The following UBXN11 variants were observed in gnomAD, a reference collection of about 807,000 sequenced individuals.
UBXN11 encodes the protein UBX domain protein 11.
UBXN11 carries 47 observed loss-of-function variants against 62.8 expected under a neutral mutation model. That is an observed-to-expected ratio of 0.75 (90% CI 0.59 to 0.95). The LOEUF is 0.95. Ranked by LOEUF, UBXN11 falls within the 40% of genes least tolerant of loss-of-function variation. The pLI, the probability that UBXN11 is intolerant of heterozygous loss-of-function variation, is 0.00. For missense variants in UBXN11, 638 were observed against 661.7 expected, an observed-to-expected ratio of 0.96 and a Z score of 0.39; for synonymous variants, 294 against 267.0, an observed-to-expected ratio of 1.10 and a Z score of -0.99.
chr1:26,296,985 G>A lies in UBXN11; in HGVS notation c.366C>T (p.Thr122=), dbSNP rs770801405. The A allele has an allele frequency of 1.2e-6, 2 of 1,602,724 alleles. No homozygotes were observed. Among genetic ancestry groups the A allele is most frequent in the South Asian group, 1.1e-5 (1 of 89,016 alleles). ...TCTCCAGTTCCTCCTGCCGCTGCAG[G>A]GTTGCCTCGGCTTCAGGGAAAGACA... The part of the protein sequence containing the change: ...QTLRPHPAEA[T]LQRQEELETM... Residue 122 remains threonine, a synonymous_variant, in exon 7 of 15, where the codon ACC becomes ACT. Transcript: ENST00000374222.
rs189494900 is a variant in UBXN11 at position 26,313,041 on chromosome 1, G to A, written c.-149+5006C>T. ...CAAAAGACTGAATGGATAGGTGGGT[G>A]CGTGGATAGGTGAATGAATGGGTGG... is the stretch of plus-strand genomic sequence containing the variant. On this transcript the variant is annotated intron_variant, in intron 1 of 14. Transcript: ENST00000374217. Among the ~76,000 whole-genome samples, 425 of 151,440 alleles carry A rather than the reference G, an allele frequency of 2.8e-3. 1 individual carries two copies. The highest frequency in any genetic ancestry group is 4.3e-3 in the Non-Finnish European group (289 of 67,888).
At chr1:26,305,303 A>G (rs1035031224) in intron 1 of UBXN11, among the ~76,000 whole-genome samples, 1 of 152,162 alleles carries the variant, frequency 6.6e-6, no homozygotes, top group Non-Finnish European at 1.5e-5. Context: ...AAGTTACACA[A>G]ATGGAATTAT....
At chr1:26,286,444 C>G (rs12068212) in intron 8 of UBXN11, among the ~76,000 whole-genome samples, 2 of 152,068 alleles carry the variant, frequency 1.3e-5, no homozygotes, top group Admixed American at 6.5e-5. Context: ...AGCTCTGGAT[C>G]GAGGCCTTCT....
Position 26,282,688 on chromosome 1 carries a change from T to G in UBXN11, c.1253A>C (p.Asn418Thr), listed in dbSNP as rs779693144. The change falls in exon 14 of 15, where the codon AAC (asparagine) becomes ACC (threonine). Residue 418 changes from asparagine (N) to threonine (T), a missense_variant. Transcript: ENST00000374222. ...CAGAGCTCGCACGTCCCCAATGGTGTTGTCAGGCTGCATCATCAGTAGGAA... is the reference window on the plus strand; with the variant it reads ...CAGAGCTCGCACGTCCCCAATGGTGGTGTCAGGCTGCATCATCAGTAGGAA... ...QAFLLMMQPD[N>T]TIGDVRALLA... 8.7e-6 allele frequency: 14 copies of G among 1,614,022 alleles called. No individual in the cohort carries two copies. Among genetic ancestry groups the G allele is most frequent in the South Asian group, 3.3e-5 (3 of 91,088 alleles).
chr1:26,283,360 G>A (rs796635359), intron 12 of UBXN11, among the ~76,000 whole-genome samples: 3 of 152,340 alleles, frequency 2.0e-5, no homozygotes, highest in African/African-American at 7.2e-5. Flanking sequence ...TCCTAGAGGT[G>A]GCGACACATT....
chr1:26,291,732 C>T (rs977812627), intron 8 of UBXN11, among the ~76,000 whole-genome samples: 1 of 152,202 alleles, frequency 6.6e-6, no homozygotes, highest in African/African-American at 2.4e-5. Flanking sequence ...CCTGCAGCCA[C>T]CCAATAGGGC....
chr1:26,308,337 G>A (rs187465235), upstream of UBXN11, among the ~76,000 whole-genome samples: 167 of 152,022 alleles, frequency 1.1e-3, no homozygotes, highest in Non-Finnish European at 1.8e-3. Flanking sequence ...GTAGTACAGC[G>A]GCTTGCATAA....
At chr1:26,283,045 CA>C in intron 12 of UBXN11, 108 bp from the exon 13 acceptor site, 1 of 1,425,082 alleles carries the variant, frequency 7.0e-7, no homozygotes, top group Non-Finnish European at 9.8e-7. Flanking sequence ...GACCAGTGAG[CA>C]AAGCGGGAGG....
upstream of UBXN11, among the ~76,000 whole-genome samples, chr1:26,311,615 G>A (rs1390219480): frequency 6.7e-6 from 1 of 149,970 alleles, no homozygotes; most frequent in African/African-American, 2.5e-5. Context: ...GCTAATTTTT[G>A]TATTTTTAGT....
chr1:26,317,043 A>C (rs893356611), intron 1 of UBXN11, among the ~76,000 whole-genome samples: 2 of 149,508 alleles, frequency 1.3e-5, no homozygotes, highest in East Asian at 3.9e-4. Context: ...AGCCTAGCCA[A>C]CATGGTGAAA....
At chr1:26,312,055 T>C (rs920280426) in intron 1 of UBXN11, among the ~76,000 whole-genome samples, 1 of 152,156 alleles carries the variant, frequency 6.6e-6, no homozygotes, top group Non-Finnish European at 1.5e-5. Context: ...GAAACCGTCA[T>C]GTTCTCCCCT....
At chr1:26,298,111 A>G in intron 4 of UBXN11, 49 bp from the exon 5 acceptor site, 1 of 1,575,744 alleles carries the variant, frequency 6.3e-7, no homozygotes. Context: ...GCCGAGGCTG[A>G]GTTGTGGGGG....
At position 26,302,690 on chromosome 1, in the gene UBXN11, G is replaced by A. The variant is rs2073568164; in HGVS notation, c.71+123C>T. 7.5e-6 allele frequency: 8 copies of A among 1,059,752 alleles called. No individual in the cohort carries two copies. In the East Asian group the frequency reaches 2.1e-4, roughly 28 times the overall value. 65.6% of individuals were successfully genotyped at this position (1,059,752 alleles called of 1,614,324 possible). On this transcript the variant is annotated intron_variant, in intron 2 of 14. Transcript: ENST00000374222. ...GTATAAAGAAAAAGACAGTGGTCAG[G>A]GAAGGCTATGTGGCCCTTCTTTGTA...
chr1:26,293,829 A>AATTT, intron 8 of UBXN11, among the ~76,000 whole-genome samples: 1 of 150,836 alleles, frequency 6.6e-6, no homozygotes, highest in Non-Finnish European at 1.5e-5. Context: ...CAAACCTGGG[A>AATTT]ATTTGGCAGC....
chr1:26,294,116 T>C, intron 8 of UBXN11, 89 bp downstream of exon 8: 6 of 1,531,824 alleles, frequency 3.9e-6, no homozygotes, highest in South Asian at 1.2e-5. Flanking sequence ...CGGGCACGAA[T>C]GAGATAGGCC....
At chr1:26,290,890 C>G (rs1440320114) in intron 8 of UBXN11, among the ~76,000 whole-genome samples, 1 of 152,058 alleles carries the variant, frequency 6.6e-6, no homozygotes, top group Non-Finnish European at 1.5e-5. Flanking sequence ...GCTCTCAGCC[C>G]CGAGGCCCAA....
chr1:26,284,308 GA>G (rs2073073544), intron 11 of UBXN11, 53 bp downstream of exon 11: 1 of 1,612,700 alleles, frequency 6.2e-7, no homozygotes, highest in African/African-American at 1.3e-5. Context: ...AGCCCCCCTG[GA>G]GTTTGTTCTG....
At chr1:26,313,142 C>T (rs2073760555) in intron 1 of UBXN11, among the ~76,000 whole-genome samples, 1 of 152,084 alleles carries the variant, frequency 6.6e-6, no homozygotes, top group Non-Finnish European at 1.5e-5. Context: ...AAATTCAAGG[C>T]GGATCACACT....
At chr1:26,298,808 A>G (rs1414120573) in intron 4 of UBXN11, among the ~76,000 whole-genome samples, 2 of 150,422 alleles carry the variant, frequency 1.3e-5, no homozygotes, top group African/African-American at 4.9e-5. Flanking sequence ...AAAAAGTATG[A>G]AAATGGAAAA....
Sources: gnomAD v4.1 joint callset for allele counts (sites outside exome capture counted in the v4.1 genomes callset) on GRCh38, gnomAD v4.1.1 for gene constraint, MANE v1.5 for transcripts, NCBI Gene and HGNC (gene_info 2026-07-23, HGNC 2026-07-21) for gene names.